The following CPM variants were observed in gnomAD, a reference collection of about 807,000 sequenced individuals.
CPM encodes the protein carboxypeptidase M.
A neutral mutation model predicts 46.4 loss-of-function variants in CPM; 35 were observed. The observed-to-expected ratio is 0.75, with a 90% confidence interval of 0.58 to 1.00. CPM has a LOEUF of 1.00. Among genes scored for constraint, CPM ranks in the 50% least tolerant of loss-of-function variants. CPM has a pLI of 0.00. For missense variants in CPM, 422 were observed against 530.4 expected, an observed-to-expected ratio of 0.80 and a Z score of 2.01; for synonymous variants, 195 against 195.3, an observed-to-expected ratio of 1.00 and a Z score of 0.01.
At chr12:68,863,192 T>C (rs1885284714) in intron 7 of CPM, among the ~76,000 whole-genome samples, 1 of 152,202 alleles carries the variant, frequency 6.6e-6, no homozygotes, top group Admixed American at 6.5e-5. Context: ...CTTCTGGAAC[T>C]CAGCACATAC....
intron 2 of CPM, among the ~76,000 whole-genome samples, chr12:68,924,282 G>C (rs866979721): frequency 4.6e-5 from 7 of 151,958 alleles, no homozygotes; most frequent in Middle Eastern, 3.4e-3. Context: ...AGATTATGAG[G>C]TCAGGAGTTC....
At chr12:68,895,303 T>G (rs193291814) in intron 2 of CPM, among the ~76,000 whole-genome samples, 27 of 152,234 alleles carry the variant, frequency 1.8e-4, no homozygotes, top group African/African-American at 6.0e-4. Context: ...GGGCAGAGCT[T>G]TAAGGGCTGA....
chr12:68,955,839 T>A (rs1889007711), intron 1 of CPM, among the ~76,000 whole-genome samples: 1 of 152,022 alleles, frequency 6.6e-6, no homozygotes, highest in African/African-American at 2.4e-5. Flanking sequence ...GGGGAGAAAG[T>A]GTGTATGGAT....
intron 7 of CPM, among the ~76,000 whole-genome samples, chr12:68,865,730 TA>T (rs1241444617): frequency 6.6e-6 from 1 of 152,102 alleles, no homozygotes; most frequent in Non-Finnish European, 1.5e-5. Flanking sequence ...TGGAGAAAGA[TA>T]ACTTCACCTC....
chr12:68,926,686 A>G (rs889888386), intron 2 of CPM, among the ~76,000 whole-genome samples: 1 of 152,046 alleles, frequency 6.6e-6, no homozygotes, highest in Non-Finnish European at 1.5e-5. Flanking sequence ...AGCATTAGGT[A>G]TATCTCCTAA....
intron 7 of CPM, among the ~76,000 whole-genome samples, chr12:68,866,413 C>T (rs763786213): frequency 2.6e-5 from 4 of 152,080 alleles, no homozygotes; most frequent in African/African-American, 4.8e-5. Flanking sequence ...GGCTCCTTGG[C>T]GGAGGGAGCA....
intron 3 of CPM, among the ~76,000 whole-genome samples, chr12:68,877,849 A>T (rs1295652078): frequency 6.6e-6 from 1 of 152,216 alleles, no homozygotes; most frequent in Non-Finnish European, 1.5e-5. Context: ...CCATAATTTC[A>T]GATATTGTGT....
intron 2 of CPM, among the ~76,000 whole-genome samples, chr12:68,919,066 C>T (rs1363579923): frequency 3.3e-5 from 5 of 152,190 alleles, no homozygotes; most frequent in African/African-American, 7.2e-5. Context: ...CTTTCCACCT[C>T]GAGGCCTTTG....
chr12:68,952,712 A>C (rs1014210081), intron 1 of CPM, among the ~76,000 whole-genome samples: 1 of 152,174 alleles, frequency 6.6e-6, no homozygotes, highest in Non-Finnish European at 1.5e-5. Context: ...TAATCTTTTC[A>C]TGCCTCCCAC....
downstream of CPM, among the ~76,000 whole-genome samples, chr12:68,850,918 C>T (rs1884641986): frequency 6.6e-6 from 1 of 151,930 alleles, no homozygotes; most frequent in African/African-American, 2.4e-5. Context: ...TCATCTTGTC[C>T]ATGGAACACA....
At chr12:68,923,366 C>T (rs944933976) in intron 2 of CPM, among the ~76,000 whole-genome samples, 1 of 152,092 alleles carries the variant, frequency 6.6e-6, no homozygotes, top group African/African-American at 2.4e-5. Flanking sequence ...AATGTAGATA[C>T]TGCTGTAACC....
At chr12:68,859,516 G>A (rs571658802) in intron 7 of CPM, among the ~76,000 whole-genome samples, 1 of 152,274 alleles carries the variant, frequency 6.6e-6, no homozygotes, top group African/African-American at 2.4e-5. Flanking sequence ...CAACTACATG[G>A]GAAGCAAAAT....
upstream of CPM, among the ~76,000 whole-genome samples, chr12:68,935,243 ATTG>A (rs908579195): frequency 6.8e-6 from 1 of 147,918 alleles, no homozygotes; most frequent in Non-Finnish European, 1.5e-5. Flanking sequence ...AAGTTGTTTT[ATTG>A]TTTGTTTGTT....
At chr12:68,885,632 T>C (rs1034545254) in intron 3 of CPM, among the ~76,000 whole-genome samples, 160 bp downstream of exon 3, 29 of 152,082 alleles carry the variant, frequency 1.9e-4, no homozygotes, top group Non-Finnish European at 2.9e-5. Context: ...TTCCTTAACC[T>C]CCCACAGGCC....
At position 68,851,435 on chromosome 12, in the gene CPM, C is replaced by A. The variant is rs1449130343; in HGVS notation, c.*5002G>T. On this transcript the variant is annotated 3_prime_UTR_variant, in exon 9 of 9. Coordinates refer to ENST00000551568, the MANE Select transcript of CPM (RefSeq NM_198320.5). ...GACCATCCTGGCTAACACGGTGAAA[C>A]CCCGTCTCTACTACAAATACAAAAA... is the stretch of plus-strand genomic sequence containing the variant. 3.9e-5 allele frequency: 6 copies of A among 152,288 alleles called. No individual in the cohort carries two copies. The highest frequency in any genetic ancestry group is 1.4e-4 in the African/African-American group (6 of 41,500). The allele number at this position is 152,288 out of a possible 1,614,324, so 9.4% of individuals were successfully genotyped here. A position where few individuals can be genotyped will look rare whatever the true frequency, so the allele number is the denominator to read the frequency against.
chr12:68,934,302 T>C (rs1190258745), upstream of CPM, among the ~76,000 whole-genome samples: 1 of 152,206 alleles, frequency 6.6e-6, no homozygotes, highest in Non-Finnish European at 1.5e-5. Flanking sequence ...ATAGAATTTT[T>C]CTCGTGGAGG....
chr12:68,884,024 T>G (rs1437765561), intron 3 of CPM, among the ~76,000 whole-genome samples: 1 of 148,926 alleles, frequency 6.7e-6, no homozygotes, highest in Non-Finnish European at 1.5e-5. Flanking sequence ...GCAGGAGAAT[T>G]GCTTGAACCT....
At chr12:68,843,107 A>T (rs1310776678) in intron 5 of CPM, 480 of 201,218 alleles carry the variant, frequency 2.4e-3, no homozygotes, top group Middle Eastern at 7.7e-3. Flanking sequence ...TTTTTTTTTT[A>T]AAGCCACACA....
At chr12:68,933,043 G>A (rs1226096692) in intron 1 of CPM, 99 bp downstream of exon 1, 2 of 498,414 alleles carry the variant, frequency 4.0e-6, no homozygotes, top group Non-Finnish European at 7.1e-6. Context: ...CGGTGCCCTC[G>A]ACCCAGCCGC....
Sources: allele counts gnomAD v4.1 joint callset (sites outside exome capture counted in the v4.1 genomes callset), GRCh38; gene constraint gnomAD v4.1.1; transcripts MANE v1.5; gene names NCBI Gene and HGNC (gene_info 2026-07-23, HGNC 2026-07-21).